KCNMA1: variants seen among roughly 807,000 people sequenced by gnomAD.
KCNMA1 encodes potassium calcium-activated channel subfamily M alpha 1, also known as Calcium-activated potassium channel subunit alpha-1.
A neutral mutation model predicts 140.0 loss-of-function variants in KCNMA1; 29 were observed. The ratio of observed to expected loss-of-function variants is 0.21; its 90% CI spans 0.15 to 0.28. The LOEUF (loss-of-function observed/expected upper bound fraction) is 0.28, where lower values mean the gene tolerates loss of function less well. KCNMA1 is among the 10% of genes least tolerant of loss of function. KCNMA1 has a pLI of 1.00. For missense variants in KCNMA1, 880 were observed against 1,602.2 expected (o/e 0.55, Z 7.70); for synonymous variants, 612 against 611.9 (o/e 1.00, Z 0.00).
chr10:76,900,404 G>A (rs934498890), intron 25 of KCNMA1, among the ~76,000 whole-genome samples: 12 of 151,970 alleles, frequency 7.9e-5, no homozygotes, highest in Non-Finnish European at 1.0e-4. Context: ...GAAAGTAACT[G>A]TAAGTAGTAC....
chr10:77,346,160 T>A (rs976476309), intron 2 of KCNMA1, among the ~76,000 whole-genome samples: 1 of 152,218 alleles, frequency 6.6e-6, no homozygotes. Flanking sequence ...CATTCCTGAA[T>A]TGTGGAACTT....
intron 5 of KCNMA1, among the ~76,000 whole-genome samples, chr10:77,159,247 G>C (rs1486661374): frequency 1.3e-5 from 2 of 152,112 alleles, no homozygotes; most frequent in African/African-American, 4.8e-5. Flanking sequence ...GCTCTTAAAA[G>C]ATGCTTCATT....
chr10:77,012,383 G>A, intron 17 of KCNMA1: 1 of 1,518,220 alleles, frequency 6.6e-7, no homozygotes, highest in Non-Finnish European at 8.8e-7. Context: ...TGTGGGCAAT[G>A]AGCCCTGGGC....
intron 2 of KCNMA1, among the ~76,000 whole-genome samples, chr10:77,374,415 A>C (rs771715476): frequency 6.6e-6 from 1 of 152,214 alleles, no homozygotes; most frequent in Non-Finnish European, 1.5e-5. Flanking sequence ...ACACAAAAAA[A>C]CTATTGGGGT....
chr10:77,394,348 G>A (rs764883492), intron 2 of KCNMA1, among the ~76,000 whole-genome samples: 6 of 152,306 alleles, frequency 3.9e-5, no homozygotes, highest in Non-Finnish European at 7.4e-5. Flanking sequence ...CTCTTTACAG[G>A]GCGTGCCGGA....
At chr10:77,189,152 A>G (rs1184069208) in intron 3 of KCNMA1, among the ~76,000 whole-genome samples, 1 of 152,078 alleles carries the variant, frequency 6.6e-6, no homozygotes, top group Non-Finnish European at 1.5e-5. Context: ...ACAGTTTCCC[A>G]GATAATGGGG....
intron 18 of KCNMA1, among the ~76,000 whole-genome samples, chr10:77,007,994 T>C (rs566599714): frequency 8.5e-5 from 13 of 152,158 alleles, no homozygotes; most frequent in Non-Finnish European, 1.5e-4. Flanking sequence ...CTGGGGACTC[T>C]CTGGCTCCAG....
chr10:77,383,059 GCT>G (rs1218523567), intron 2 of KCNMA1, among the ~76,000 whole-genome samples: 1 of 132,534 alleles, frequency 7.5e-6, no homozygotes, highest in Non-Finnish European at 1.6e-5. Context: ...TTTTCAGATT[GCT>G]CTCACTTGTA....
chr10:77,382,305 C>T (rs954507307), intron 2 of KCNMA1, among the ~76,000 whole-genome samples: 5 of 152,168 alleles, frequency 3.3e-5, no homozygotes, highest in Non-Finnish European at 5.9e-5. Context: ...GTGCTAGACA[C>T]ATTCTAAGCA....
At chr10:77,326,516 CGTGGTGGTG>C (rs71477080) in intron 2 of KCNMA1, among the ~76,000 whole-genome samples, 1 of 151,314 alleles carries the variant, frequency 6.6e-6, no homozygotes, top group Non-Finnish European at 1.5e-5. Flanking sequence ...TGAGGACGAG[CGTGGTGGTG>C]GTGGTGGTGG....
At chr10:77,388,405 C>T (rs1378558483) in intron 2 of KCNMA1, among the ~76,000 whole-genome samples, 1 of 152,180 alleles carries the variant, frequency 6.6e-6, no homozygotes, top group East Asian at 1.9e-4. Flanking sequence ...TTTTCAAATG[C>T]TTTGAGATCA....
intron 1 of KCNMA1, among the ~76,000 whole-genome samples, chr10:77,502,668 C>T (rs1450576770): frequency 1.3e-5 from 2 of 152,156 alleles, no homozygotes; most frequent in East Asian, 1.9e-4. Context: ...TCTTTCTTCA[C>T]TGAGTTCAAA....
intron 14 of KCNMA1, among the ~76,000 whole-genome samples, chr10:77,053,571 A>T (rs2095444168): frequency 6.6e-6 from 1 of 152,176 alleles, no homozygotes; most frequent in South Asian, 2.1e-4. Flanking sequence ...CACCACAAAG[A>T]GCTCCAGGGA....
chr10:77,001,598 G>A lies in KCNMA1; in HGVS notation c.2093-18C>T, dbSNP rs1362822116. 1 of 1,545,018 alleles carries A rather than the reference G, an allele frequency of 6.5e-7. No homozygotes were observed. Among genetic ancestry groups the A allele is most frequent in the Non-Finnish European group, 8.8e-7 (1 of 1,141,522 alleles). ...CATCTTGGCTATAACCGTGTGGTTG[G>A]ATGGGAGGAGAGGAAGAGCGGCAAT... On this transcript the variant is annotated intron_variant, in intron 18 of 27. Coordinates refer to ENST00000286628, the MANE Select transcript of KCNMA1 (RefSeq NM_001161352.2).
intron 20 of KCNMA1, among the ~76,000 whole-genome samples, chr10:76,962,362 C>T (rs900177327): frequency 2.0e-5 from 3 of 152,176 alleles, no homozygotes; most frequent in Non-Finnish European, 4.4e-5. Flanking sequence ...TCTTATCACA[C>T]GATAAGGCCT....
At chr10:77,345,981 A>G (rs2092048872) in intron 2 of KCNMA1, among the ~76,000 whole-genome samples, 1 of 152,222 alleles carries the variant, frequency 6.6e-6, no homozygotes, top group African/African-American at 2.4e-5. Flanking sequence ...AGACACATTC[A>G]TATACTGACT....
chr10:77,165,253 T>C (rs2098626986), intron 5 of KCNMA1, among the ~76,000 whole-genome samples: 1 of 152,172 alleles, frequency 6.6e-6, no homozygotes. Context: ...GAAATAATAA[T>C]ACTTAAAATA....
chr10:76,897,337 G>A (rs963406590), intron 25 of KCNMA1, among the ~76,000 whole-genome samples: 11 of 150,878 alleles, frequency 7.3e-5, no homozygotes, highest in Non-Finnish European at 1.5e-4. Context: ...ACCTGTACTC[G>A]GTGAATATTT....
chr10:77,553,347 G>A (rs930433044), intron 1 of KCNMA1, among the ~76,000 whole-genome samples: 20 of 152,118 alleles, frequency 1.3e-4, no homozygotes, highest in Non-Finnish European at 2.9e-5. Context: ...TTCCCCCATT[G>A]GCCAAGTCTC....
Sources: gnomAD v4.1 joint callset for allele counts (sites outside exome capture counted in the v4.1 genomes callset) on GRCh38, gnomAD v4.1.1 for gene constraint, MANE v1.5 for transcripts, NCBI Gene and HGNC (gene_info 2026-07-23, HGNC 2026-07-21) for gene names.